Variants in FCHO2 observed in about 807,000 individuals in gnomAD.
FCHO2 encodes the protein FCH and mu domain containing endocytic adaptor 2, also known as F-BAR domain only protein 2.
Under a neutral mutation model 114.1 loss-of-function variants are expected in FCHO2, and 43 were observed. That is an observed-to-expected ratio of 0.38 (90% CI 0.30 to 0.49). The LOEUF (loss-of-function observed/expected upper bound fraction) is 0.49. FCHO2 is among the 20% of genes least tolerant of loss of function. FCHO2 has a pLI of 0.97. For synonymous variants in FCHO2, 293 were observed against 315.2 expected (o/e 0.93, Z 0.75); for missense variants, 807 against 950.4 (o/e 0.85, Z 1.98).
At chr5:73,065,510 A>G (rs958377) in intron 18 of FCHO2, among the ~76,000 whole-genome samples, 17,889 of 152,068 alleles carry the variant, frequency 0.12, 1,268 homozygotes, top group Non-Finnish European at 0.17. Context: ...AACATTAAAC[A>G]GTTATTTAAT....
At chr5:72,982,600 G>T (rs969528739) in intron 2 of FCHO2, among the ~76,000 whole-genome samples, 1 of 152,134 alleles carries the variant, frequency 6.6e-6, no homozygotes, top group African/African-American at 2.4e-5. Context: ...TTTAGATATT[G>T]TGTCTAAAAA....
intron 6 of FCHO2, 36 bp downstream of exon 6, chr5:73,006,585 A>G (rs1179478975): frequency 7.4e-7 from 1 of 1,357,174 alleles, no homozygotes. Flanking sequence ...AAAACAGGGC[A>G]TTTATATTTG....
chr5:73,036,695 G>A (rs1223495278), intron 9 of FCHO2, among the ~76,000 whole-genome samples: 1 of 151,782 alleles, frequency 6.6e-6, no homozygotes, highest in African/African-American at 2.4e-5. Flanking sequence ...ACTTCTAATG[G>A]GTCTGCTGTA....
intron 6 of FCHO2, among the ~76,000 whole-genome samples, chr5:73,011,533 A>G (rs533945583): frequency 3.9e-5 from 6 of 152,064 alleles, no homozygotes; most frequent in Admixed American, 2.0e-4. Flanking sequence ...ATGTGCCTAC[A>G]TAGGCTTAGT....
intron 1 of FCHO2, among the ~76,000 whole-genome samples, chr5:72,961,833 C>T (rs919348970): frequency 1.1e-4 from 16 of 152,080 alleles, no homozygotes; most frequent in African/African-American, 1.9e-4. Flanking sequence ...TCAGGTGATC[C>T]GCCTGCCTCG....
At chr5:73,076,819 A>G (rs578022051) in intron 20 of FCHO2, among the ~76,000 whole-genome samples, 76 of 152,276 alleles carry the variant, frequency 5.0e-4, no homozygotes, top group African/African-American at 1.8e-3. Context: ...AGAAGAATAA[A>G]TAGACTTGGG....
intron 2 of FCHO2, among the ~76,000 whole-genome samples, chr5:72,976,655 G>A (rs1294844071): frequency 2.0e-5 from 3 of 151,732 alleles, no homozygotes; most frequent in African/African-American, 7.3e-5. Flanking sequence ...TTAAGCCCTG[G>A]GATATAGGTG....
chr5:73,070,141 G>A (rs1460737878), intron 19 of FCHO2, among the ~76,000 whole-genome samples: 2 of 151,982 alleles, frequency 1.3e-5, no homozygotes, highest in African/African-American at 4.8e-5. Context: ...CGTTTAATAG[G>A]CATTCCAGGT....
intron 9 of FCHO2, among the ~76,000 whole-genome samples, chr5:73,035,782 G>A (rs963202484): frequency 2.0e-5 from 3 of 151,972 alleles, no homozygotes; most frequent in South Asian, 2.1e-4. Context: ...GATTACAGGC[G>A]TGAGCCACCA....
chr5:73,086,376 T>G (rs1268026123), intron 24 of FCHO2, among the ~76,000 whole-genome samples: 1 of 152,168 alleles, frequency 6.6e-6, no homozygotes, highest in Admixed American at 6.5e-5. Context: ...ATAATACAAG[T>G]TGGATCAATG....
At chr5:73,032,632 T>G (rs1325603725) in intron 8 of FCHO2, among the ~76,000 whole-genome samples, 3 of 152,224 alleles carry the variant, frequency 2.0e-5, no homozygotes, top group African/African-American at 4.8e-5. Flanking sequence ...GTAAAAGTCC[T>G]TCTAGATAAT....
At chr5:73,016,105 A>G (rs1755293084) in intron 7 of FCHO2, among the ~76,000 whole-genome samples, 1 of 152,102 alleles carries the variant, frequency 6.6e-6, no homozygotes, top group African/African-American at 2.4e-5. Flanking sequence ...AGGTTTAATG[A>G]TGACAATTTG....
chr5:73,072,203 A>AT (rs1451262709), intron 19 of FCHO2, among the ~76,000 whole-genome samples: 2 of 151,920 alleles, frequency 1.3e-5, no homozygotes, highest in African/African-American at 2.4e-5. Flanking sequence ...CAGGGAATAT[A>AT]TTAATTTCAT....
At chr5:72,982,995 G>A (rs993645270) in intron 2 of FCHO2, among the ~76,000 whole-genome samples, 1 of 151,472 alleles carries the variant, frequency 6.6e-6, no homozygotes, top group Non-Finnish European at 1.5e-5. Context: ...CTCACCGCAA[G>A]CTCCGCTTCC....
intron 5 of FCHO2, chr5:72,996,773 C>T (rs1479358656): frequency 6.5e-6 from 4 of 611,354 alleles, no homozygotes; most frequent in East Asian, 2.8e-5. Context: ...CTTTCTGAGC[C>T]GCTTGCTCCA....
intron 14 of FCHO2, 61 bp from the exon 15 acceptor site, chr5:73,054,464 C>G (rs1025152122): frequency 2.5e-5 from 36 of 1,412,390 alleles, no homozygotes; most frequent in Non-Finnish European, 3.3e-5. Flanking sequence ...TAACATTTTA[C>G]CAAATATTTA....
At chr5:73,017,680 T>C (rs1234612177) in intron 8 of FCHO2, among the ~76,000 whole-genome samples, 1 of 152,144 alleles carries the variant, frequency 6.6e-6, no homozygotes, top group African/African-American at 2.4e-5. Context: ...AAAAGAAAGA[T>C]TGGGAGAGAA....
At chr5:72,968,425 A>T in intron 1 of FCHO2, 73 bp from the exon 2 acceptor site, 1 of 1,049,602 alleles carries the variant, frequency 9.5e-7, no homozygotes, top group Non-Finnish European at 1.3e-6. Context: ...ATATTAGTTA[A>T]TGTTGGCTTT....
In FCHO2 at chr5:73,027,018, G is replaced by GTT. The variant is rs1369730233; in HGVS notation, c.797-7621_797-7620dup. On this transcript the variant is annotated intron_variant, in intron 8 of 25. Transcript: ENST00000430046. ...GTCATTGTTTTTTTTTTGTTTGTTT[G>GTT]TTTTTTTTTTTTTTTTTTTAGTGTA... Among the ~76,000 whole-genome samples, 420 of 107,102 alleles carry GTT rather than the reference G, an allele frequency of 3.9e-3. 5 individuals are homozygous for GTT. Among genetic ancestry groups the GTT allele is most frequent in the African/African-American group, 0.014 (405 of 29,378 alleles). The allele number at this position is 107,102 out of a possible 152,430, so 70.3% of individuals were successfully genotyped here. A position where few individuals can be genotyped will look rare whatever the true frequency, so the allele number is the denominator to read the frequency against.
Sources: gnomAD v4.1 joint callset for allele counts (sites outside exome capture counted in the v4.1 genomes callset) on GRCh38, gnomAD v4.1.1 for gene constraint, MANE v1.5 for transcripts, NCBI Gene and HGNC (gene_info 2026-07-23, HGNC 2026-07-21) for gene names.